PLXNA1: variants seen among roughly 807,000 people sequenced by gnomAD.
PLXNA1 encodes plexin-A1.
PLXNA1 carries 77 observed loss-of-function variants against 191.7 expected under a neutral mutation model. The ratio of observed to expected loss-of-function variants is 0.40; its 90% CI spans 0.33 to 0.49. PLXNA1 has a LOEUF of 0.49. Among genes scored for constraint, PLXNA1 ranks in the 20% least tolerant of loss-of-function variants. The pLI is 0.63. For missense variants in PLXNA1, 2,110 were observed against 2,660.2 expected (o/e 0.79, Z 4.55); for synonymous variants, 1,137 against 1,156.4 (o/e 0.98, Z 0.34).
chr3:127,026,609 A>G (rs1233936784), intron 23 of PLXNA1: 2 of 152,290 alleles, frequency 1.3e-5, no homozygotes, highest in African/African-American at 4.8e-5. Flanking sequence ...TTTGCAAATG[A>G]AACATAATTT....
At chr3:127,009,902 T>G (rs2079087552) in intron 9 of PLXNA1, among the ~76,000 whole-genome samples, 1 of 152,250 alleles carries the variant, frequency 6.6e-6, no homozygotes, top group African/African-American at 2.4e-5. Context: ...TGAGACACGC[T>G]GAGAAGTCGG....
In PLXNA1 at chr3:127,005,084, G is replaced by T; in HGVS notation, c.1744-6G>T. 6.2e-7 allele frequency: 1 copy of T among 1,612,426 alleles called. No homozygotes were observed. ...CTGCTCACCATGCCTCCTGCTGCCT[G>T]CCCAGCTTGTGCTGCAGGCCTGGAA... On this transcript the variant is annotated splice_polypyrimidine_tract_variant and splice_region_variant and intron_variant, in intron 6 of 31. Transcript: ENST00000393409.
intron 8 of PLXNA1, 110 bp from the exon 9 acceptor site, chr3:127,007,689 C>T: frequency 4.4e-6 from 3 of 683,112 alleles, no homozygotes; most frequent in Non-Finnish European, 7.7e-6. Flanking sequence ...TGCCAAGACC[C>T]TGAGGTGGCA....
chr3:127,017,867 A>T lies in PLXNA1; in HGVS notation c.3635A>T (p.Asn1212Ile), dbSNP rs376159729. 1 of 1,612,130 alleles carries T rather than the reference A, an allele frequency of 6.2e-7. No homozygotes were observed. The highest frequency in any genetic ancestry group is 1.3e-5 in the African/African-American group (1 of 74,732). Residue 1212 changes from asparagine (N) to isoleucine (I), a missense_variant, in exon 19 of 32, where the codon AAC becomes ATC. By Grantham distance (149) the Asn-to-Ile change is moderately radical. Around this residue, in one of 4 missense-constraint regions of PLXNA1, gnomAD observed 644 missense variants for 714.3 expected, o/e 0.90. Transcript: ENST00000393409. ...ACGCAACTGCTGTGCGAGGCGCCCA[A>T]CCTCACTGGGCAGCACAAGGTCACG... ...SETQLLCEAP[N>I]LTGQHKVTVR... is the part of the protein sequence containing the mutation.
At position 127,022,834 on chromosome 3, in the gene PLXNA1, A is replaced by G. The variant is rs760281035; in HGVS notation, c.4362+16A>G. The G allele has an allele frequency of 6.2e-7, 1 of 1,610,070 alleles. No homozygotes were observed. Among genetic ancestry groups the G allele is most frequent in the Non-Finnish European group, 8.5e-7 (1 of 1,176,514 alleles). On this transcript the variant is annotated intron_variant, in intron 23 of 31. Transcript: ENST00000393409. Reference sequence around the variant, plus strand: ...GTTCCTCAAGGTAAGCAGAGGCGGGAGGAAGCAGGTGTCAGAGGCAGGTGA... The same window carrying G: ...GTTCCTCAAGGTAAGCAGAGGCGGGGGGAAGCAGGTGTCAGAGGCAGGTGA...
intron 29 of PLXNA1, 59 bp downstream of exon 29, chr3:127,030,471 G>A: frequency 6.3e-7 from 1 of 1,590,498 alleles, no homozygotes; most frequent in East Asian, 2.2e-5. Flanking sequence ...TGTGTTCCCA[G>A]GGCCCTCGCC....
At chr3:126,992,409 T>A (rs866230171) in intron 3 of PLXNA1, among the ~76,000 whole-genome samples, 12 of 151,938 alleles carry the variant, frequency 7.9e-5, no homozygotes, top group Middle Eastern at 6.8e-3. Context: ...CCTGAGCCCA[T>A]GTGTGCCCGC....
At chr3:127,020,491 C>T (rs945106482) in intron 21 of PLXNA1, 147 bp downstream of exon 21, 6 of 1,011,584 alleles carry the variant, frequency 5.9e-6, no homozygotes, top group African/African-American at 3.2e-5. Context: ...TGGGCTCAGC[C>T]AAGTGGGGAG....
rs1340204791 is a variant in PLXNA1 at position 127,018,341 on chromosome 3, C to T, written c.3708C>T (p.Tyr1236=). The part of the protein sequence containing the change: ...FEFSPGTLQV[Y]SDSLLTLPAI... Reference sequence around the variant, plus strand: ...TCTCGCCAGGGACACTGCAGGTGTACTCGGACAGCCTGCTGACGCTGCCTG... The same window carrying T: ...TCTCGCCAGGGACACTGCAGGTGTATTCGGACAGCCTGCTGACGCTGCCTG... Residue 1236 remains tyrosine (Y), a synonymous_variant, in exon 20 of 32, where the codon TAC becomes TAT. Coordinates refer to ENST00000393409, the MANE Select transcript of PLXNA1 (RefSeq NM_032242.4). 6.2e-7 allele frequency: 1 copy of T among 1,612,668 alleles called. No homozygotes were observed. The highest frequency in any genetic ancestry group is 8.5e-7 in the Non-Finnish European group (1 of 1,179,868).
chr3:127,017,456 T>C lies in PLXNA1; in HGVS notation c.3308T>C (p.Val1103Ala), dbSNP rs776993963. ...CTGGTGTACAATGACACCACCATGG[T>C]ATGCCGCGCCCCGTCTGTGGCCAAC... ...GCLVYNDTTM[V>A]CRAPSVANPV... The change falls in exon 18 of 32, where the codon GTA becomes GCA. Residue 1103 changes from valine to alanine, a missense_variant. Physicochemically the swap from Val to Ala is moderately conservative, Grantham distance 64. This residue lies in a region of PLXNA1 where 644 missense variants were observed against 714.3 expected (regional missense o/e 0.90). Coordinates refer to ENST00000393409, the MANE Select transcript of PLXNA1 (RefSeq NM_032242.4). 1.2e-6 allele frequency: 2 copies of C among 1,613,024 alleles called. No homozygotes were observed. Among genetic ancestry groups the C allele is most frequent in the African/African-American group, 2.7e-5 (2 of 74,942 alleles).
Position 127,029,766 on chromosome 3 carries a change from A to G in PLXNA1, c.4871-108A>G, listed in dbSNP as rs538770582. The G allele has an allele frequency of 6.0e-5, 80 of 1,341,810 alleles. 1 individual carries two copies. The African/African-American group carries it at 1.1e-3, about 18-fold the overall frequency. 83.1% of individuals were successfully genotyped at this position (1,341,810 alleles called of 1,614,324 possible). ...CTGTGGTGTCATCGGCTGCCCCAAAATCCCACATGGGTGGGGGTGCCATCC... is the reference window on the plus strand; with the variant it reads ...CTGTGGTGTCATCGGCTGCCCCAAAGTCCCACATGGGTGGGGGTGCCATCC... On this transcript the variant is annotated intron_variant, in intron 27 of 31. Coordinates refer to ENST00000393409, the MANE Select transcript of PLXNA1 (RefSeq NM_032242.4).
intron 1 of PLXNA1, among the ~76,000 whole-genome samples, chr3:126,985,300 C>T (rs975838039): frequency 5.3e-5 from 8 of 152,070 alleles, no homozygotes; most frequent in Non-Finnish European, 1.2e-4. Context: ...GCACGCAGAC[C>T]GCGGGGTCTC....
intron 9 of PLXNA1, among the ~76,000 whole-genome samples, chr3:127,011,628 C>T (rs751412049): frequency 2.6e-5 from 4 of 152,150 alleles, no homozygotes; most frequent in African/African-American, 4.8e-5. Context: ...GGGCCCCCAG[C>T]GCAGAGCCTG....
rs1410617543 is a variant in PLXNA1 at position 127,030,316 on chromosome 3, C to T, written c.5135C>T (p.Pro1712Leu). The change falls in exon 29 of 32, where the codon CCG (proline) becomes CTG (leucine). Residue 1712 changes from proline (P) to leucine (L), a missense_variant. By Grantham distance (98) the Pro-to-Leu change is moderately conservative. This residue lies in a region of PLXNA1 where 559 missense variants were observed against 911.5 expected (regional missense o/e 0.61). Coordinates refer to ENST00000393409, the MANE Select transcript of PLXNA1 (RefSeq NM_032242.4). ...FSTAHRGSAL[P>L]LAIKYMFDFL... ...ACGGCACACCGGGGCTCAGCCCTGC[C>T]GCTGGCCATCAAGTACATGTTCGAC... 7.4e-6 allele frequency: 12 copies of T among 1,614,000 alleles called. No homozygotes were observed. The highest frequency in any genetic ancestry group is 2.2e-5 in the East Asian group (1 of 44,878).
At chr3:127,001,037 G>A (rs760428832) in intron 3 of PLXNA1, among the ~76,000 whole-genome samples, 55 of 152,256 alleles carry the variant, frequency 3.6e-4, no homozygotes, top group Non-Finnish European at 5.1e-4. Flanking sequence ...GTGTGCTCCC[G>A]GCTGCAGCTG....
chr3:127,011,298 ACT>A (rs1287099924), intron 9 of PLXNA1, among the ~76,000 whole-genome samples: 1 of 151,712 alleles, frequency 6.6e-6, no homozygotes, highest in Non-Finnish European at 1.5e-5. Context: ...GGCCTTGTTA[ACT>A]CTGCTTCCCT....
chr3:127,032,312 C>T, intron 29 of PLXNA1, 75 bp from the exon 30 acceptor site: 1 of 1,455,300 alleles, frequency 6.9e-7, no homozygotes, highest in South Asian at 1.2e-5. Context: ...GGATTCGGAG[C>T]TGGGAGGGCC....
chr3:127,014,186 C>T lies in PLXNA1; in HGVS notation c.2415C>T (p.His805=). ...VIDNPQNIQA[H]LYKCPALRES... ...TGACCGCACCCCTCCCCACAGCGCA[C>T]CTCTACAAGTGCCCGGCCCTGCGCG... Residue 805 remains histidine (H), a synonymous_variant, in exon 12 of 32, where the codon CAC becomes CAT. Coordinates refer to ENST00000393409, the MANE Select transcript of PLXNA1 (RefSeq NM_032242.4). 2.5e-6 allele frequency: 4 copies of T among 1,610,484 alleles called. No homozygotes were observed. Among genetic ancestry groups the T allele is most frequent in the Non-Finnish European group, 2.5e-6 (3 of 1,178,184 alleles).
At chr3:126,984,465 G>C (rs1446593258) in intron 1 of PLXNA1, among the ~76,000 whole-genome samples, 2 of 152,192 alleles carry the variant, frequency 1.3e-5, no homozygotes, top group African/African-American at 4.8e-5. Flanking sequence ...CTTGCCTCAG[G>C]TCCCCTCGAT....
Sources: allele counts gnomAD v4.1 joint callset (sites outside exome capture counted in the v4.1 genomes callset), GRCh38; gene constraint gnomAD v4.1.1; regional missense constraint gnomAD v4.1.1; transcripts MANE v1.5; gene names NCBI Gene and HGNC (gene_info 2026-07-23, HGNC 2026-07-21).